PALLD: variants seen among roughly 807,000 people sequenced by gnomAD.
PALLD encodes the protein palladin, cytoskeletal associated protein.
PALLD carries 61 observed loss-of-function variants against 123.5 expected under a neutral mutation model. The ratio of observed to expected loss-of-function variants is 0.49; its 90% confidence interval spans 0.40 to 0.61. PALLD has a LOEUF of 0.61. PALLD is among the 20% of genes least tolerant of loss of function. The pLI is 0.00. For synonymous variants in PALLD, 465 were observed against 496.4 expected (o/e 0.94, Z 0.84); for missense variants, 1,273 against 1,377.0 (o/e 0.92, Z 1.20).
chr4:168,690,561 C>G (rs144572986), intron 6 of PALLD, 42 bp from the exon 7 acceptor site: 160 of 1,613,254 alleles, frequency 9.9e-5, no homozygotes, highest in Non-Finnish European at 1.3e-4. Context: ...AAAAATGCAC[C>G]AAAGTCTGAT....
chr4:168,731,828 A>T (rs376599187), intron 10 of PALLD, among the ~76,000 whole-genome samples: 4 of 152,228 alleles, frequency 2.6e-5, no homozygotes, highest in African/African-American at 4.8e-5. Flanking sequence ...AGTAAGCTGA[A>T]TACCAAAAAT....
intron 2 of PALLD, among the ~76,000 whole-genome samples, chr4:168,521,532 TATTTTA>T (rs1763564234): frequency 6.6e-6 from 1 of 152,216 alleles, no homozygotes; most frequent in Non-Finnish European, 1.5e-5. Flanking sequence ...AGTTACTTAT[TATTTTA>T]AAGTGTTTAC....
chr4:168,872,632 C>A (rs993857027), intron 10 of PALLD, among the ~76,000 whole-genome samples: 7 of 152,212 alleles, frequency 4.6e-5, no homozygotes, highest in African/African-American at 1.7e-4. Flanking sequence ...CTCACAACCT[C>A]CCATAAGCCC....
At chr4:168,504,841 A>T (rs908054726) in intron 1 of PALLD, 4 of 152,246 alleles carry the variant, frequency 2.6e-5, no homozygotes, top group Non-Finnish European at 5.9e-5. Context: ...ACTAAAGTAG[A>T]ACCACTTTAA....
intron 10 of PALLD, among the ~76,000 whole-genome samples, chr4:168,747,305 G>A (rs930542580): frequency 6.6e-6 from 1 of 152,216 alleles, no homozygotes; most frequent in African/African-American, 2.4e-5. Flanking sequence ...TGAGGCAGTA[G>A]GCAAGGAAGT....
At chr4:168,837,566 G>A (rs963105325) in intron 10 of PALLD, among the ~76,000 whole-genome samples, 3 of 152,180 alleles carry the variant, frequency 2.0e-5, no homozygotes, top group Non-Finnish European at 2.9e-5. Context: ...ACCGTTCGTT[G>A]AGTACTTCAA....
intron 10 of PALLD, among the ~76,000 whole-genome samples, chr4:168,758,210 T>TA (rs1313818484): frequency 2.0e-5 from 3 of 152,184 alleles, no homozygotes; most frequent in Admixed American, 6.5e-5. Context: ...ATTTTTTTTT[T>TA]AATGTTTAAA....
chr4:168,588,852 G>C (rs1177291449), intron 2 of PALLD, among the ~76,000 whole-genome samples: 1 of 150,444 alleles, frequency 6.6e-6, no homozygotes, highest in Admixed American at 6.6e-5. Flanking sequence ...ACAGCTTCAA[G>C]TAAAATTATT....
At chr4:168,723,199 T>G (rs1238328210) in intron 10 of PALLD, among the ~76,000 whole-genome samples, 1 of 152,084 alleles carries the variant, frequency 6.6e-6, no homozygotes, top group Non-Finnish European at 1.5e-5. Context: ...AACCAAATGC[T>G]AAATAGTAAA....
chr4:168,548,630 G>A (rs1392436327), intron 2 of PALLD, among the ~76,000 whole-genome samples: 1 of 152,146 alleles, frequency 6.6e-6, no homozygotes, highest in East Asian at 1.9e-4. Context: ...GCAAGTCCTA[G>A]GTGAGAACCA....
At chr4:168,503,654 A>G (rs1761675872) in intron 1 of PALLD, among the ~76,000 whole-genome samples, 1 of 151,986 alleles carries the variant, frequency 6.6e-6, no homozygotes, top group Non-Finnish European at 1.5e-5. Context: ...CTCAAAAAAA[A>G]AAAAAAAGAA....
Position 168,755,790 on chromosome 4 carries a change from T to C in PALLD, c.1964+43867T>C, listed in dbSNP as rs143317890. Reference sequence around the variant, plus strand: ...AGTAGTTAGTGGAGGCAATAAGAAGTGATGGGAGCTGCATCTGCTGCAAGA... The same window carrying C: ...AGTAGTTAGTGGAGGCAATAAGAAGCGATGGGAGCTGCATCTGCTGCAAGA... On this transcript the variant is annotated intron_variant, in intron 10 of 21. Transcript: ENST00000505667. The C allele has an allele frequency of 3.0e-3, 493 of 163,384 alleles. 1 individual carries two copies. The highest frequency in any genetic ancestry group is 0.011 in the African/African-American group (460 of 41,560). 10.1% of individuals were successfully genotyped at this position (163,384 alleles called of 1,614,324 possible). A position where few individuals can be genotyped will look rare whatever the true frequency, so the allele number is the denominator to read the frequency against.
chr4:168,774,885 T>C (rs1581407339), intron 10 of PALLD, among the ~76,000 whole-genome samples: 1 of 152,184 alleles, frequency 6.6e-6, no homozygotes, highest in Non-Finnish European at 1.5e-5. Flanking sequence ...TAAGGTTTTA[T>C]ATAAATGGAA....
intron 10 of PALLD, among the ~76,000 whole-genome samples, chr4:168,788,863 T>G (rs1737119016): frequency 6.6e-6 from 1 of 152,206 alleles, no homozygotes; most frequent in African/African-American, 2.4e-5. Flanking sequence ...TTAAAATTAA[T>G]GGCAATAAAT....
At chr4:168,924,553 A>G (rs1762207644) in intron 19 of PALLD, 133 bp downstream of exon 19, 8 of 948,770 alleles carry the variant, frequency 8.4e-6, no homozygotes, top group African/African-American at 8.2e-5. Context: ...GAAATCAATC[A>G]AAGACAAAAA....
At chr4:168,861,632 G>C (rs950661681) in intron 10 of PALLD, among the ~76,000 whole-genome samples, 5 of 151,652 alleles carry the variant, frequency 3.3e-5, no homozygotes, top group Non-Finnish European at 7.4e-5. Flanking sequence ...AAATGTTATA[G>C]TTTTAGATTC....
At chr4:168,854,168 ATT>A (rs1287107927) in intron 10 of PALLD, among the ~76,000 whole-genome samples, 8 of 73,974 alleles carry the variant, frequency 1.1e-4, no homozygotes, top group Admixed American at 8.7e-4. Context: ...GGAGTCATTC[ATT>A]CATTCATTCA....
rs3046003 is a variant in PALLD at position 168,819,327 on chromosome 4, TTGTGTGTG to T, written c.1965-71566_1965-71559del. On this transcript the variant is annotated intron_variant, in intron 10 of 21. Transcript: ENST00000505667. ...GTAACTGCAGAGGCTCCGAGACCAT[TTGTGTGTG>T]TGTGTGTGTGTGTGTGTGTGTGTGT... Among the ~76,000 whole-genome samples the T allele has an allele frequency of 4.9e-3, 731 of 148,696 alleles. 3 individuals are homozygous for T. The highest frequency in any genetic ancestry group is 0.016 in the African/African-American group (640 of 40,508).
At chr4:168,536,342 G>A (rs771478320) in intron 2 of PALLD, among the ~76,000 whole-genome samples, 15 of 152,298 alleles carry the variant, frequency 9.8e-5, no homozygotes, top group Non-Finnish European at 1.9e-4. Flanking sequence ...TTAGGATAAA[G>A]GTCTCTGGGC....
Sources: gnomAD v4.1 joint callset for allele counts (sites outside exome capture counted in the v4.1 genomes callset) on GRCh38, gnomAD v4.1.1 for gene constraint, MANE v1.5 for transcripts, NCBI Gene and HGNC (gene_info 2026-07-23, HGNC 2026-07-21) for gene names.